ACCSL: variants seen among roughly 807,000 people sequenced by gnomAD.
ACCSL encodes 1-aminocyclopropane-1-carboxylate synthase homolog (inactive) like, also known as probable inactive 1-aminocyclopropane-1-carboxylate synthase-like protein 2.
In ACCSL, 55 loss-of-function variants were observed where a neutral mutation model predicts 61.7. The observed-to-expected ratio is 0.89, with a 90% confidence interval of 0.72 to 1.12. ACCSL has a LOEUF of 1.12. Ranked by LOEUF, ACCSL falls within the 50% of genes most tolerant of loss-of-function variation. ACCSL has a pLI of 0.00. For synonymous variants in ACCSL, 258 were observed against 264.3 expected, an observed-to-expected ratio of 0.98 and a Z score of 0.23; for missense variants, 632 against 698.0, an observed-to-expected ratio of 0.91 and a Z score of 1.07.
chr11:44,047,922 C>G, upstream of ACCSL: 1 of 1,311,582 alleles, frequency 7.6e-7, no homozygotes, highest in Non-Finnish European at 1.0e-6. Context: ...TCTGTTCTGT[C>G]TCCATCCATT....
chr11:43,961,353 A>G, the ACCSL span, among the ~76,000 whole-genome samples: 2 of 152,222 alleles, frequency 1.3e-5, no homozygotes, highest in South Asian at 4.2e-4. Context: ...AGTCACTGCA[A>G]TCTCTTCTCC....
chr11:44,027,334 C>T, the ACCSL span, among the ~76,000 whole-genome samples: 1 of 152,194 alleles, frequency 6.6e-6, no homozygotes, highest in Admixed American at 6.5e-5. Flanking sequence ...TGCATGTGGA[C>T]TTCTAGATTC....
chr11:43,978,015 T>TC, the ACCSL span, among the ~76,000 whole-genome samples: 1 of 145,306 alleles, frequency 6.9e-6, no homozygotes, highest in African/African-American at 2.6e-5. Flanking sequence ...TTTTTTTTTT[T>TC]TTTTTTTTTT....
the ACCSL span, among the ~76,000 whole-genome samples, chr11:43,975,327 A>T: frequency 2.0e-5 from 3 of 152,236 alleles, no homozygotes; most frequent in Admixed American, 6.5e-5. Flanking sequence ...TAAGAAATAC[A>T]TTTGAGCAAA....
the ACCSL span, among the ~76,000 whole-genome samples, chr11:43,938,761 C>T: frequency 5.9e-5 from 9 of 152,230 alleles, no homozygotes; most frequent in East Asian, 1.7e-3. Context: ...GAGATTGCAC[C>T]ACTACACACC....
At chr11:44,051,057 G>T (rs1952634847) in intron 3 of ACCSL, among the ~76,000 whole-genome samples, 1 of 152,098 alleles carries the variant, frequency 6.6e-6, no homozygotes, top group African/African-American at 2.4e-5. Flanking sequence ...TTGCCAGCTT[G>T]GTCTTGATCT....
At chr11:44,000,128 T>G in the ACCSL span, among the ~76,000 whole-genome samples, 2 of 152,130 alleles carry the variant, frequency 1.3e-5, no homozygotes, top group Non-Finnish European at 2.9e-5. Context: ...TTTCTTTCCT[T>G]TCTTTTTTTA....
At chr11:43,950,494 G>A in the ACCSL span, among the ~76,000 whole-genome samples, 1 of 152,190 alleles carries the variant, frequency 6.6e-6, no homozygotes, top group Non-Finnish European at 1.5e-5. Context: ...TCCCAGTCCC[G>A]TGGTAGAGTG....
At chr11:44,018,546 T>C in the ACCSL span, among the ~76,000 whole-genome samples, 2 of 152,244 alleles carry the variant, frequency 1.3e-5, no homozygotes, top group Non-Finnish European at 2.9e-5. Flanking sequence ...GACCTTGGCC[T>C]TGTGCCTGGT....
At chr11:43,952,595 C>T in the ACCSL span, among the ~76,000 whole-genome samples, 35 of 152,298 alleles carry the variant, frequency 2.3e-4, no homozygotes, top group East Asian at 5.0e-3. Context: ...GTGCATGCAG[C>T]CCCCAGTCAC....
chr11:43,959,387 G>A, the ACCSL span, among the ~76,000 whole-genome samples: 1 of 152,340 alleles, frequency 6.6e-6, no homozygotes, highest in African/African-American at 2.4e-5. Context: ...GCCTCAAGAT[G>A]GACTGCTAGC....
chr11:44,053,794 G>A (rs1296523195), intron 8 of ACCSL, among the ~76,000 whole-genome samples: 1 of 152,170 alleles, frequency 6.6e-6, no homozygotes, highest in Non-Finnish European at 1.5e-5. Context: ...CCCGGGAGGA[G>A]GAGGTTGCAG....
At chr11:44,044,359 G>A (rs1952588208), upstream of ACCSL, among the ~76,000 whole-genome samples, 1 of 152,086 alleles carries the variant, frequency 6.6e-6, no homozygotes, top group South Asian at 2.1e-4. Context: ...CTTACATACG[G>A]AGAAACTGAT....
chr11:43,937,162 G>C, the ACCSL span, among the ~76,000 whole-genome samples: 20,352 of 152,198 alleles, frequency 0.13, 1,867 homozygotes, highest in Middle Eastern at 0.29. Context: ...CGTGGAAGCA[G>C]GGCACATGTG....
chr11:43,943,375 G>A, the ACCSL span: 3 of 1,383,698 alleles, frequency 2.2e-6, no homozygotes, highest in Non-Finnish European at 2.8e-6. This position sits in a 1 kb window ranked among gnomAD's most constrained non-coding sequence, Gnocchi z 4.8. Flanking sequence ...GGACCCGCAA[G>A]GACCCGGGAC....
chr11:43,959,979 C>T, the ACCSL span, among the ~76,000 whole-genome samples: 1 of 152,164 alleles, frequency 6.6e-6, no homozygotes. Flanking sequence ...TGTGCCGCTG[C>T]CCCACAGCCC....
the ACCSL span, among the ~76,000 whole-genome samples, chr11:44,001,775 CTGTGTGTGTGTGTGTGTGTGTG>C: frequency 2.6e-3 from 252 of 96,834 alleles, 2 homozygotes; most frequent in Middle Eastern, 0.038. Flanking sequence ...GGTAAAGGGG[CTGTGTGTGTGTGTGTGTGTGTG>C]TGTGTGTGTG....
the ACCSL span, among the ~76,000 whole-genome samples, chr11:43,925,730 T>G: frequency 1.3e-5 from 2 of 152,078 alleles, no homozygotes; most frequent in Non-Finnish European, 1.5e-5. Context: ...TAGGCTTCAG[T>G]CAGGTGGACC....
chr11:44,022,849 G>A, the ACCSL span, among the ~76,000 whole-genome samples: 2 of 151,598 alleles, frequency 1.3e-5, no homozygotes, highest in Non-Finnish European at 2.9e-5. Context: ...CAAGCCTTAT[G>A]AAATGAGTTG....
Sources: gnomAD v4.1 joint callset for allele counts (sites outside exome capture counted in the v4.1 genomes callset) on GRCh38, gnomAD v4.1.1 for gene constraint, Gnocchi (gnomAD v3.1) non-coding constraint, MANE v1.5 for transcripts, NCBI Gene and HGNC (gene_info 2026-07-23, HGNC 2026-07-21) for gene names.